The following SLC14A2 variants were observed in gnomAD, a reference collection of about 807,000 sequenced individuals.
The protein encoded by SLC14A2 is solute carrier family 14 member 2.
Under a neutral mutation model 104.6 loss-of-function variants are expected in SLC14A2, and 91 were observed. The observed-to-expected ratio is 0.87, with a 90% confidence interval of 0.73 to 1.04. The LOEUF is 1.04. Among genes scored for constraint, SLC14A2 ranks in the 50% least tolerant of loss-of-function variants. The probability of loss-of-function intolerance (pLI) is 0.00; values close to 1 mark genes in which losing one functional copy is unlikely to be tolerated. For synonymous variants in SLC14A2, 476 were observed against 466.4 expected (o/e 1.02, Z -0.27); for missense variants, 1,189 against 1,156.0 (o/e 1.03, Z -0.41).
At chr18:45,524,458 G>A (rs575484334) in intron 2 of SLC14A2, among the ~76,000 whole-genome samples, 5 of 152,286 alleles carry the variant, frequency 3.3e-5, no homozygotes, top group African/African-American at 1.2e-4. Flanking sequence ...CCTTGATGGG[G>A]TGTGGGACCA....
intron 1 of SLC14A2, among the ~76,000 whole-genome samples, chr18:45,261,549 C>G (rs2084537932): frequency 6.6e-6 from 1 of 151,002 alleles, no homozygotes; most frequent in African/African-American, 2.4e-5. Flanking sequence ...CTAATGCTAT[C>G]CCTCCCCTCT....
chr18:45,643,941 A>G, intron 9 of SLC14A2, 45 bp from the exon 10 acceptor site: 1 of 1,579,808 alleles, frequency 6.3e-7, no homozygotes, highest in Non-Finnish European at 8.7e-7. Flanking sequence ...AGCCCAACAC[A>G]GGAAACTAGG....
intron 1 of SLC14A2, among the ~76,000 whole-genome samples, chr18:45,299,445 C>T (rs761679235): frequency 6.6e-6 from 1 of 152,010 alleles, no homozygotes; most frequent in Non-Finnish European, 1.5e-5. Flanking sequence ...CCCTCTTTAT[C>T]GGTTTTGTTT....
chr18:45,448,615 C>T (rs561181449), intron 1 of SLC14A2, among the ~76,000 whole-genome samples: 4 of 152,308 alleles, frequency 2.6e-5, no homozygotes, highest in Admixed American at 6.5e-5. Flanking sequence ...TGTTGCTCTG[C>T]GCAGACTCTT....
chr18:45,621,270 G>A (rs1166713881), intron 1 of SLC14A2, among the ~76,000 whole-genome samples: 2 of 152,140 alleles, frequency 1.3e-5, no homozygotes, highest in African/African-American at 4.8e-5. Context: ...ACCCCTTACT[G>A]AAACCCTACC....
chr18:45,452,001 A>G (rs962740257), intron 1 of SLC14A2, among the ~76,000 whole-genome samples: 1 of 152,124 alleles, frequency 6.6e-6, no homozygotes, highest in Admixed American at 6.5e-5. Flanking sequence ...TCAGTAATCA[A>G]GACAAATCAT....
At chr18:45,300,720 T>C (rs1568142097) in intron 1 of SLC14A2, among the ~76,000 whole-genome samples, 3 of 152,210 alleles carry the variant, frequency 2.0e-5, no homozygotes, top group Admixed American at 2.0e-4. Context: ...TCTGAGCATC[T>C]CTGAGGTAGG....
intron 1 of SLC14A2, among the ~76,000 whole-genome samples, chr18:45,385,807 C>T (rs2085889209): frequency 6.6e-6 from 1 of 152,218 alleles, no homozygotes; most frequent in Non-Finnish European, 1.5e-5. Flanking sequence ...TGAGGCAATA[C>T]AGATGTTAGG....
At chr18:45,343,298 T>C (rs186411612) in intron 1 of SLC14A2, among the ~76,000 whole-genome samples, 1 of 152,202 alleles carries the variant, frequency 6.6e-6, no homozygotes, top group East Asian at 1.9e-4. Flanking sequence ...AGATGTGTTA[T>C]TTTATTTGGG....
At chr18:45,326,261 T>C (rs2085233184) in intron 1 of SLC14A2, among the ~76,000 whole-genome samples, 1 of 152,154 alleles carries the variant, frequency 6.6e-6, no homozygotes, top group Middle Eastern at 3.2e-3. Flanking sequence ...ATTCTCCACC[T>C]GAATGCAAGT....
At chr18:45,626,016 C>T (rs964814936) in intron 3 of SLC14A2, among the ~76,000 whole-genome samples, 153 bp downstream of exon 3, 3 of 152,168 alleles carry the variant, frequency 2.0e-5, no homozygotes, top group African/African-American at 7.2e-5. Flanking sequence ...CTGGAGTCCA[C>T]AGCTGGGGGA....
At chr18:45,643,947 C>A (rs1038398874) in intron 9 of SLC14A2, 39 bp from the exon 10 acceptor site, 1 of 1,594,046 alleles carries the variant, frequency 6.3e-7, no homozygotes, top group Admixed American at 1.7e-5. Flanking sequence ...ACACAGGAAA[C>A]TAGGAAACTT....
At chr18:45,568,375 G>A (rs867986700) in intron 2 of SLC14A2, among the ~76,000 whole-genome samples, 28 of 152,344 alleles carry the variant, frequency 1.8e-4, no homozygotes, top group Admixed American at 1.6e-3. Flanking sequence ...GAAGCAGAGG[G>A]CTGCTCTCTC....
intron 2 of SLC14A2, among the ~76,000 whole-genome samples, chr18:45,539,684 C>T (rs1312193837): frequency 1.2e-4 from 19 of 152,160 alleles, no homozygotes; most frequent in Admixed American, 1.2e-3. Flanking sequence ...GTGTCATTTC[C>T]AAATCCATTA....
intron 1 of SLC14A2, among the ~76,000 whole-genome samples, chr18:45,385,117 G>A (rs1490678038): frequency 6.6e-6 from 1 of 152,224 alleles, no homozygotes; most frequent in Non-Finnish European, 1.5e-5. Context: ...CTGCTCCAAT[G>A]CACTAAGTGG....
chr18:45,583,144 C>T (rs2044520592), intron 2 of SLC14A2, among the ~76,000 whole-genome samples: 1 of 152,240 alleles, frequency 6.6e-6, no homozygotes, highest in African/African-American at 2.4e-5. Context: ...ATGTTCTACA[C>T]AGCTTTCTTC....
At chr18:45,519,781 C>G (rs1182095409) in intron 2 of SLC14A2, among the ~76,000 whole-genome samples, 1 of 152,224 alleles carries the variant, frequency 6.6e-6, no homozygotes, top group Non-Finnish European at 1.5e-5. Flanking sequence ...ACTCCGGGAT[C>G]TGCTCATCCC....
chr18:45,373,064 C>T (rs1397642095), intron 1 of SLC14A2, among the ~76,000 whole-genome samples: 2 of 152,170 alleles, frequency 1.3e-5, no homozygotes, highest in African/African-American at 4.8e-5. Flanking sequence ...ACTTCTGTCG[C>T]TTGTAGACTA....
chr18:45,664,009 G>A (rs753154168), intron 11 of SLC14A2, 102 bp downstream of exon 11: 144 of 1,260,214 alleles, frequency 1.1e-4, no homozygotes, highest in African/African-American at 9.7e-4. Context: ...GGGGAGACCC[G>A]CTGGAGTCAG....
Sources: gnomAD v4.1 joint callset for allele counts (sites outside exome capture counted in the v4.1 genomes callset) on GRCh38, gnomAD v4.1.1 for gene constraint, MANE v1.5 for transcripts, NCBI Gene and HGNC (gene_info 2026-07-23, HGNC 2026-07-21) for gene names.